NKAIN3: variants seen among roughly 807,000 people sequenced by gnomAD.
The protein encoded by NKAIN3 is sodium/potassium transporting ATPase interacting 3.
A neutral mutation model predicts 30.2 loss-of-function variants in NKAIN3; 25 were observed. That is an observed-to-expected ratio of 0.83 (90% confidence interval 0.60 to 1.16). The LOEUF (loss-of-function observed/expected upper bound fraction) is 1.16, where lower values mean the gene tolerates loss of function less well. Ranked by LOEUF, NKAIN3 falls within the 50% of genes most tolerant of loss-of-function variation. The pLI is 0.00. For missense variants in NKAIN3, 225 were observed against 254.1 expected, an observed-to-expected ratio of 0.89 and a Z score of 0.78; for synonymous variants, 91 against 89.6, an observed-to-expected ratio of 1.02 and a Z score of -0.09.
chr8:62,965,264 T>C (rs981438777), intron 6 of NKAIN3, 90 bp from the exon 7 acceptor site: 8 of 983,718 alleles, frequency 8.1e-6, no homozygotes, highest in Non-Finnish European at 8.5e-6. Context: ...CCAGGAGCTA[T>C]TTTGCATTTC....
At position 62,856,015 on chromosome 8, in the gene NKAIN3, G is replaced by A. The variant is rs548348505; in HGVS notation, c.472-62438G>A. 2.6e-5 allele frequency: 18 copies of A among 686,574 alleles called. No homozygotes were observed. In the Middle Eastern group the frequency reaches 1.4e-3, roughly 54 times the overall value. The allele number at this position is 686,574 out of a possible 1,614,324, so 42.5% of individuals were successfully genotyped here. On this transcript the variant is annotated intron_variant, in intron 4 of 6. Coordinates refer to ENST00000623646, the MANE Select transcript of NKAIN3 (RefSeq NM_001304533.3). ...AGCAACTCCTCAGGGCACATGAACA[G>A]GGAGGGCCTCAGATGATGGTGCTTC...
chr8:62,704,936 C>T (rs922397743), intron 3 of NKAIN3, among the ~76,000 whole-genome samples: 2 of 152,114 alleles, frequency 1.3e-5, no homozygotes, highest in Admixed American at 6.6e-5. Context: ...ATTATCCTTA[C>T]TACTTATTTG....
At chr8:62,642,954 A>C (rs775620576) in intron 3 of NKAIN3, among the ~76,000 whole-genome samples, 3 of 152,182 alleles carry the variant, frequency 2.0e-5, no homozygotes, top group Non-Finnish European at 4.4e-5. Context: ...AAATTTATAT[A>C]TTATTAAGCA....
intron 4 of NKAIN3, among the ~76,000 whole-genome samples, chr8:62,889,196 C>T (rs1402361730): frequency 6.6e-6 from 1 of 151,920 alleles, no homozygotes; most frequent in Admixed American, 6.6e-5. Context: ...TGGTGAAACC[C>T]TGTCTCTACT....
rs535487110 is a variant in NKAIN3 at position 62,306,508 on chromosome 8, T to C, written c.54+57381T>C. On this transcript the variant is annotated intron_variant, in intron 1 of 6. Transcript: ENST00000623646. ...GTATTCGTAAATTAAAGAAAGGATG[T>C]GTCAATGCCTAGAAGGCTTTGAAGG... 4.0e-4 allele frequency among the ~76,000 whole-genome samples: 60 copies of C among 149,486 alleles called. 4 individuals are homozygous for C. Among genetic ancestry groups the C allele is most frequent in the African/African-American group, 1.3e-3 (53 of 39,276 alleles).
chr8:62,623,793 C>T (rs1811699629), intron 3 of NKAIN3, among the ~76,000 whole-genome samples: 2 of 151,798 alleles, frequency 1.3e-5, no homozygotes, highest in African/African-American at 4.8e-5. Flanking sequence ...CTTTGGAGCT[C>T]ACACAAAAAG....
chr8:62,760,693 G>A (rs948366021), intron 4 of NKAIN3, among the ~76,000 whole-genome samples: 1 of 151,684 alleles, frequency 6.6e-6, no homozygotes, highest in Non-Finnish European at 1.5e-5. Context: ...GAGTTAATGG[G>A]TGCAGCACAC....
intron 3 of NKAIN3, among the ~76,000 whole-genome samples, chr8:62,739,678 A>T (rs1392171198): frequency 6.6e-6 from 1 of 152,184 alleles, no homozygotes; most frequent in Non-Finnish European, 1.5e-5. Context: ...CCCTGAAGTG[A>T]TCGTATCTAA....
chr8:62,362,270 A>G (rs1263278571), intron 1 of NKAIN3, among the ~76,000 whole-genome samples: 1 of 152,216 alleles, frequency 6.6e-6, no homozygotes, highest in Admixed American at 6.5e-5. Context: ...TCAGAGGGAC[A>G]CATTTAGACT....
rs1815845533 is a variant in NKAIN3 at position 62,344,130 on chromosome 8, T to C, written c.54+95003T>C. ...CTGGGGGGTGGAGGGTTATTGTGGC[T>C]TCTGGGGCAACACAGTGCTGGAGCT... On this transcript the variant is annotated intron_variant, in intron 1 of 6. Transcript: ENST00000623646. Among the ~76,000 whole-genome samples the C allele has an allele frequency of 2.0e-5, 3 of 151,968 alleles. No homozygotes were observed. The South Asian group carries it at 6.2e-4, about 31-fold the overall frequency.
intron 1 of NKAIN3, among the ~76,000 whole-genome samples, chr8:62,528,319 T>A (rs7845965): frequency 4.5e-5 from 3 of 66,966 alleles, no homozygotes; most frequent in African/African-American, 6.8e-5. Context: ...ATATATATAT[T>A]ATATAATATA....
At chr8:62,789,393 A>G (rs1383146633) in intron 4 of NKAIN3, among the ~76,000 whole-genome samples, 22 of 152,120 alleles carry the variant, frequency 1.4e-4, no homozygotes, top group East Asian at 1.2e-3. Flanking sequence ...TGTATCCTGA[A>G]ACTTTGCTGA....
chr8:62,855,943 G>T, intron 4 of NKAIN3: 1 of 734,430 alleles, frequency 1.4e-6, no homozygotes, highest in Non-Finnish European at 2.5e-6. Context: ...TCCTTGTCCA[G>T]ACACTTTATG....
chr8:62,708,301 A>C (rs921801798), intron 3 of NKAIN3, among the ~76,000 whole-genome samples: 1 of 152,096 alleles, frequency 6.6e-6, no homozygotes, highest in African/African-American at 2.4e-5. Flanking sequence ...TTGAATTTGT[A>C]TATTGCTTTT....
At position 62,496,528 on chromosome 8, in the gene NKAIN3, G is replaced by A. The variant is rs565436427; in HGVS notation, c.55-83011G>A. Among the ~76,000 whole-genome samples, 15 of 152,210 alleles carry A rather than the reference G, an allele frequency of 9.9e-5. No homozygotes were observed. The South Asian group carries it at 2.7e-3, about 27-fold the overall frequency. ...ATCTCCATCTTCCTTATTGATTCTG[G>A]TTAACACATAAAACTGCTTCAAGAA... On this transcript the variant is annotated intron_variant, in intron 1 of 6. Coordinates refer to ENST00000623646, the MANE Select transcript of NKAIN3 (RefSeq NM_001304533.3).
intron 5 of NKAIN3, among the ~76,000 whole-genome samples, chr8:62,937,469 G>A (rs1822820402): frequency 6.6e-6 from 1 of 152,068 alleles, no homozygotes. Flanking sequence ...AATGAATTTA[G>A]AGAGCTGAGT....
At chr8:62,698,475 A>C (rs1814233103) in intron 3 of NKAIN3, among the ~76,000 whole-genome samples, 1 of 152,200 alleles carries the variant, frequency 6.6e-6, no homozygotes, top group South Asian at 2.1e-4. Flanking sequence ...AACACAAAGG[A>C]GAGCACACAC....
At chr8:62,417,970 A>G (rs1272953299) in intron 1 of NKAIN3, among the ~76,000 whole-genome samples, 1 of 152,196 alleles carries the variant, frequency 6.6e-6, no homozygotes, top group Non-Finnish European at 1.5e-5. Context: ...GAGAAGTGAG[A>G]AACCAATGAG....
rs921937701 is a variant in NKAIN3 at position 62,637,358 on chromosome 8, C to A, written c.273+47564C>A. Among the ~76,000 whole-genome samples, 6 of 152,286 alleles carry A rather than the reference C, an allele frequency of 3.9e-5. No homozygotes were observed. The East Asian group carries it at 1.2e-3, about 29-fold the overall frequency. ...TAAATGAGCTTCCTATCTCTGCAAA[C>A]CTTGCTGGACCAGGTGGTTTTGCTC... is the stretch of plus-strand genomic sequence containing the variant. On this transcript the variant is annotated intron_variant, in intron 3 of 6. Coordinates refer to ENST00000623646, the MANE Select transcript of NKAIN3 (RefSeq NM_001304533.3).
Sources: gnomAD v4.1 joint callset for allele counts (sites outside exome capture counted in the v4.1 genomes callset) on GRCh38, gnomAD v4.1.1 for gene constraint, MANE v1.5 for transcripts, NCBI Gene and HGNC (gene_info 2026-07-23, HGNC 2026-07-21) for gene names.